CYP19A1: variants seen among roughly 807,000 people sequenced by gnomAD.
CYP19A1 encodes the protein cytochrome P450 family 19 subfamily A member 1, also known as aromatase.
A neutral mutation model predicts 44.4 loss-of-function variants in CYP19A1; 32 were observed. The observed-to-expected ratio is 0.72, with a 90% CI of 0.54 to 0.97. The LOEUF is 0.97. Among genes scored for constraint, CYP19A1 ranks in the 50% least tolerant of loss-of-function variants. CYP19A1 has a pLI of 0.00. For missense variants in CYP19A1, 598 were observed against 637.8 expected (o/e 0.94, Z 0.67); for synonymous variants, 212 against 215.6 (o/e 0.98, Z 0.14).
chr15:51,235,873 C>T (rs1039130055), intron 3 of CYP19A1, among the ~76,000 whole-genome samples: 2 of 152,164 alleles, frequency 1.3e-5, no homozygotes, highest in African/African-American at 2.4e-5. Flanking sequence ...TCAGGGATTA[C>T]GAATATAAAC....
At chr15:51,233,147 T>A (rs2033153746) in intron 3 of CYP19A1, among the ~76,000 whole-genome samples, 1 of 152,216 alleles carries the variant, frequency 6.6e-6, no homozygotes, top group South Asian at 2.1e-4. Context: ...CTGAACCACC[T>A]GTTTACAATC....
chr15:51,275,543 G>A (rs575006202), intron 1 of CYP19A1, among the ~76,000 whole-genome samples: 1 of 152,294 alleles, frequency 6.6e-6, no homozygotes, highest in African/African-American at 2.4e-5. Flanking sequence ...GTAACATCTG[G>A]CAAACTGCTG....
chr15:51,320,388 C>G (rs903461802), intron 1 of CYP19A1: 1 of 152,358 alleles, frequency 6.6e-6, no homozygotes, highest in African/African-American at 2.4e-5. Flanking sequence ...AGAGAACAGA[C>G]AGGATACAAT....
At chr15:51,262,067 G>A (rs546260102) in intron 1 of CYP19A1, among the ~76,000 whole-genome samples, 13 of 152,160 alleles carry the variant, frequency 8.5e-5, no homozygotes, top group Non-Finnish European at 1.6e-4. Flanking sequence ...TGAAGGTTGT[G>A]GGTTTACTGA....
chr15:51,282,753 A>T (rs1440096831), intron 1 of CYP19A1, among the ~76,000 whole-genome samples: 5 of 152,250 alleles, frequency 3.3e-5, no homozygotes, highest in African/African-American at 1.2e-4. Flanking sequence ...ATGTGAAAGC[A>T]GGGGATGCAT....
intron 1 of CYP19A1, among the ~76,000 whole-genome samples, chr15:51,323,203 G>A (rs2036554447): frequency 2.0e-5 from 3 of 152,122 alleles, no homozygotes; most frequent in Admixed American, 1.3e-4. Context: ...GCCCTTGGGT[G>A]GCCCACAATT....
At chr15:51,215,469 A>T (rs533071462) in intron 7 of CYP19A1, among the ~76,000 whole-genome samples, 1 of 152,370 alleles carries the variant, frequency 6.6e-6, no homozygotes, top group South Asian at 2.1e-4. Flanking sequence ...TTCATATTTT[A>T]TACTGTTACA....
At chr15:51,217,198 CTGGGAGGTGTTGGAA>C (rs1475716053) in intron 6 of CYP19A1, among the ~76,000 whole-genome samples, 1 of 152,176 alleles carries the variant, frequency 6.6e-6, no homozygotes, top group Non-Finnish European at 1.5e-5. Flanking sequence ...CCCAAATGGT[CTGGGAGGTGTTGGAA>C]TGCCCCAGCC....
intron 1 of CYP19A1, among the ~76,000 whole-genome samples, chr15:51,300,487 A>G (rs993348671): frequency 6.6e-6 from 1 of 152,192 alleles, no homozygotes; most frequent in Non-Finnish European, 1.5e-5. Context: ...TGAGTCACCT[A>G]TAGGAGAATT....
At chr15:51,316,127 A>C (rs2036422125) in intron 1 of CYP19A1, 1 of 152,172 alleles carries the variant, frequency 6.6e-6, no homozygotes, top group Non-Finnish European at 1.5e-5. Context: ...TCAGTAGTAA[A>C]ATGTGGTAAG....
chr15:51,334,617 CTT>C lies in CYP19A1; in HGVS notation c.-39+3876_-39+3877del, dbSNP rs553015787. Among the ~76,000 whole-genome samples, 8 of 152,328 alleles carry C rather than the reference CTT, an allele frequency of 5.3e-5. No individual in the cohort carries two copies. In the South Asian group the frequency reaches 1.7e-3, roughly 32 times the overall value. On this transcript the variant is annotated intron_variant, in intron 1 of 9. Coordinates refer to ENST00000396402, the MANE Select transcript of CYP19A1 (RefSeq NM_000103.4). ...TTTTCATTGTTTCTGAAAACAATCA[CTT>C]TTTCATTTATTGAAAGGCCATCACT...
chr15:51,330,274 T>G (rs1305213426), intron 1 of CYP19A1, among the ~76,000 whole-genome samples: 2 of 151,912 alleles, frequency 1.3e-5, no homozygotes, highest in African/African-American at 2.4e-5. Flanking sequence ...GAGTAGAAGG[T>G]GCACTTGGAG....
At chr15:51,253,457 C>T (rs369497059) in intron 1 of CYP19A1, among the ~76,000 whole-genome samples, 3 of 152,118 alleles carry the variant, frequency 2.0e-5, no homozygotes, top group East Asian at 1.9e-4. Context: ...GCTCCCAATA[C>T]ATCCCTCTTG....
At chr15:51,310,222 CA>C (rs568805499) in intron 1 of CYP19A1, among the ~76,000 whole-genome samples, 35 of 151,598 alleles carry the variant, frequency 2.3e-4, no homozygotes, top group African/African-American at 8.5e-4. Flanking sequence ...TAACAAAATA[CA>C]AAAAAAACAA....
At chr15:51,234,673 C>T (rs1469131568) in intron 3 of CYP19A1, among the ~76,000 whole-genome samples, 1 of 152,134 alleles carries the variant, frequency 6.6e-6, no homozygotes, top group African/African-American at 2.4e-5. Context: ...ATCGCTGCTT[C>T]CTGTAACCCC....
At chr15:51,303,800 A>C (rs899420130) in intron 1 of CYP19A1, among the ~76,000 whole-genome samples, 1 of 152,242 alleles carries the variant, frequency 6.6e-6, no homozygotes, top group Admixed American at 6.5e-5. Context: ...CCTGACAACC[A>C]ATTCACCTTT....
chr15:51,217,243 C>T (rs1421223211), intron 6 of CYP19A1, among the ~76,000 whole-genome samples: 1 of 152,152 alleles, frequency 6.6e-6, no homozygotes. Context: ...ATAGAGAGCT[C>T]CTTGAGGGAA....
intron 1 of CYP19A1, among the ~76,000 whole-genome samples, chr15:51,292,159 C>T (rs1309165051): frequency 6.6e-6 from 1 of 152,186 alleles, no homozygotes; most frequent in African/African-American, 2.4e-5. Context: ...CTCCTTTGGA[C>T]CACCCTAGCA....
At chr15:51,297,862 A>ACACACACACACACACACC (rs1213828508) in intron 1 of CYP19A1, among the ~76,000 whole-genome samples, 1 of 150,754 alleles carries the variant, frequency 6.6e-6, no homozygotes, top group African/African-American at 2.4e-5. Flanking sequence ...ACACACACAC[A>ACACACACACACACACACC]CACACACCCT....
Sources: gnomAD v4.1 joint callset for allele counts (sites outside exome capture counted in the v4.1 genomes callset) on GRCh38, gnomAD v4.1.1 for gene constraint, MANE v1.5 for transcripts, NCBI Gene and HGNC (gene_info 2026-07-23, HGNC 2026-07-21) for gene names.